Variants in SLC1A5 observed in about 807,000 individuals in gnomAD.
The protein encoded by SLC1A5 is neutral amino acid transporter B(0).
In SLC1A5, 25 loss-of-function variants were observed where a neutral mutation model predicts 34.9. That is an observed-to-expected ratio of 0.72 (90% CI 0.52 to 1.00). SLC1A5 has a LOEUF of 1.00. SLC1A5 is among the 50% of genes least tolerant of loss of function. The probability of loss-of-function intolerance (pLI) is 0.00; values close to 1 mark genes in which losing one functional copy is unlikely to be tolerated. For missense variants in SLC1A5, 637 were observed against 740.0 expected (o/e 0.86, Z 1.61); for synonymous variants, 351 against 341.2 (o/e 1.03, Z -0.32).
chr19:46,787,882 G>T lies in SLC1A5; in HGVS notation c.84C>A (p.Ile28=), dbSNP rs1334841325. 6 of 1,567,174 alleles carry T rather than the reference G, an allele frequency of 3.8e-6. No homozygotes were observed. Among genetic ancestry groups the T allele is most frequent in the South Asian group, 1.2e-5 (1 of 85,834 alleles). Residue 28 remains isoleucine (I), a synonymous_variant, in exon 1 of 8, where the codon ATC becomes ATA. Transcript: ENST00000542575. The surrounding 1 kb of genome is among the most constrained non-coding windows in gnomAD (Gnocchi z 5.2). ...TANGGLALAS[I]EDQGAAAGGY... ...CGCCTGCTGCCGCGCCTTGGTCCTC[G>T]ATGGAGGCCAGCGCCAGGCCCCCGT...
At chr19:46,777,740 C>T (rs2055107461) in intron 5 of SLC1A5, among the ~76,000 whole-genome samples, 1 of 150,688 alleles carries the variant, frequency 6.6e-6, no homozygotes, top group Non-Finnish European at 1.5e-5. Flanking sequence ...ATACCACCTG[C>T]CCAGCCGAAG....
intron 4 of SLC1A5, among the ~76,000 whole-genome samples, chr19:46,779,424 CAAAAAAA>C (rs761721702): frequency 1.5e-5 from 1 of 64,556 alleles, no homozygotes; most frequent in Non-Finnish European, 3.2e-5. Context: ...AACTCCATCT[CAAAAAAA>C]AAAAAAAAAA....
At chr19:46,786,703 G>A (rs377105519) in intron 1 of SLC1A5, among the ~76,000 whole-genome samples, 1 of 152,200 alleles carries the variant, frequency 6.6e-6, no homozygotes, top group Non-Finnish European at 1.5e-5. Flanking sequence ...TTGGGGGCGC[G>A]GGGCAGAGGC....
Position 46,777,097 on chromosome 19 carries a change from T to C in SLC1A5, c.1266A>G (p.Thr422=). The C allele has an allele frequency of 6.2e-7, 1 of 1,613,762 alleles. No homozygotes were observed. The highest frequency in any genetic ancestry group is 8.5e-7 in the Non-Finnish European group (1 of 1,179,952). The change falls in exon 7 of 8, where the codon ACA becomes ACG. Residue 422 remains threonine (T), a synonymous_variant. Transcript: ENST00000542575. ...VKIITILVTA[T]ASSVGAAGIP... The stretch of plus-strand genomic sequence containing the variant: ...TGCCCGCTGCCCCCACGCTGGACGC[T>C]GTGGCCGTGACCCTGAGGGAGAAGG...
chr19:46,778,424 T>C (rs1254172206), intron 5 of SLC1A5, among the ~76,000 whole-genome samples: 1 of 152,088 alleles, frequency 6.6e-6, no homozygotes, highest in African/African-American at 2.4e-5. Flanking sequence ...CGAGACGCCA[T>C]TGTTTAAAAC....
chr19:46,787,161 CT>C lies in SLC1A5; in HGVS notation c.566+238del, dbSNP rs2055192328. 8.1e-7 allele frequency: 1 copy of C among 1,233,048 alleles called. No homozygotes were observed. The allele number at this position is 1,233,048 out of a possible 1,614,324, so 76.4% of individuals were successfully genotyped here. A position where few individuals can be genotyped will look rare whatever the true frequency, so the allele number is the denominator to read the frequency against. ...CTCCTATGTCTCCCCAAATCACTTT[CT>C]TCTCCCTCTATAAGACCCCACTTAT... On this transcript the variant is annotated intron_variant, in intron 1 of 7. Transcript: ENST00000542575. This position sits in a 1 kb window ranked among gnomAD's most constrained non-coding sequence, Gnocchi z 5.2.
chr19:46,781,523 G>A (rs1390550073), intron 4 of SLC1A5, among the ~76,000 whole-genome samples: 2 of 152,136 alleles, frequency 1.3e-5, no homozygotes, highest in South Asian at 2.1e-4. Context: ...TCTTGAACCC[G>A]GGAGGCGGAG....
Position 46,787,593 on chromosome 19 carries a change from C to G in SLC1A5, c.373G>C (p.Gly125Arg), listed in dbSNP as rs1459865710. The G allele has an allele frequency of 3.2e-6, 5 of 1,561,644 alleles. No homozygotes were observed. The highest frequency in any genetic ancestry group is 4.3e-6 in the Non-Finnish European group (5 of 1,155,784). Residue 125 changes from glycine (G) to arginine (R), a missense_variant, in exon 1 of 8, where the codon GGC becomes CGC. By Grantham distance (125) the Gly-to-Arg change is moderately radical. Transcript: ENST00000542575. This position sits in a 1 kb window ranked among gnomAD's most constrained non-coding sequence, Gnocchi z 5.2. ...GAASLDPGAL[G>R]RLGAWALLFF... ...AGCAGCGCCCAGGCGCCCAGACGGC[C>G]GAGCGCGCCGGGGTCCAGGCTGGCG...
In SLC1A5 at chr19:46,787,275, C is replaced by A; in HGVS notation, c.566+125G>T. ...CTGGAGCCTCCCCTCAATATCCTGT[C>A]GAGTTTTCCTAAGACTCTAGAGGGA... On this transcript the variant is annotated intron_variant, in intron 1 of 7. Transcript: ENST00000542575. This position sits in a 1 kb window ranked among gnomAD's most constrained non-coding sequence, Gnocchi z 5.2. The A allele has an allele frequency of 2.7e-6, 4 of 1,463,576 alleles. No individual in the cohort carries two copies. Among genetic ancestry groups the A allele is most frequent in the South Asian group, 1.4e-5 (1 of 70,510 alleles). The allele number at this position is 1,463,576 out of a possible 1,614,324, so 90.7% of individuals were successfully genotyped here.
At chr19:46,781,298 A>C (rs1487125868) in intron 4 of SLC1A5, among the ~76,000 whole-genome samples, 1 of 152,186 alleles carries the variant, frequency 6.6e-6, no homozygotes, top group Non-Finnish European at 1.5e-5. Context: ...GGATGGCTCC[A>C]AGCCAAGAGG....
At chr19:46,783,938 A>G (rs2055167248) in intron 3 of SLC1A5, among the ~76,000 whole-genome samples, 159 bp downstream of exon 3, 1 of 152,096 alleles carries the variant, frequency 6.6e-6, no homozygotes, top group African/African-American at 2.4e-5. Flanking sequence ...AAGAGGGGAC[A>G]AAGTAGAGAC....
At chr19:46,783,201 C>T (rs941543530) in intron 3 of SLC1A5, among the ~76,000 whole-genome samples, 2 of 152,140 alleles carry the variant, frequency 1.3e-5, no homozygotes, top group East Asian at 1.9e-4. Flanking sequence ...CGGTGGCTCA[C>T]GCCTGTAATC....
At position 46,775,078 on chromosome 19, in the gene SLC1A5, C is replaced by T; in HGVS notation, c.*432G>A. On this transcript the variant is annotated 3_prime_UTR_variant, in exon 8 of 8. Coordinates refer to ENST00000542575, the MANE Select transcript of SLC1A5 (RefSeq NM_005628.3). ...ACACACACACACACACACACACACA[C>T]ACACACACACACGTGCACACACACA... 5 of 1,008,826 alleles carry T rather than the reference C, an allele frequency of 5.0e-6. No individual in the cohort carries two copies. Among genetic ancestry groups the T allele is most frequent in the Non-Finnish European group, 5.9e-6 (5 of 844,456 alleles). The allele number at this position is 1,008,826 out of a possible 1,614,324, so 62.5% of individuals were successfully genotyped here.
At chr19:46,785,363 G>C (rs539981322) in intron 1 of SLC1A5, among the ~76,000 whole-genome samples, 3 of 152,114 alleles carry the variant, frequency 2.0e-5, no homozygotes, top group African/African-American at 7.2e-5. Context: ...GCCTGGGACC[G>C]AGTGAGACTC....
At chr19:46,781,760 C>A (rs146221159) in intron 4 of SLC1A5, among the ~76,000 whole-genome samples, 1 of 152,240 alleles carries the variant, frequency 6.6e-6, no homozygotes, top group East Asian at 1.9e-4. Context: ...AGAAGGGAGG[C>A]TAGATACCCA....
chr19:46,776,073 C>T (rs893705570), intron 7 of SLC1A5, among the ~76,000 whole-genome samples: 10 of 151,840 alleles, frequency 6.6e-5, no homozygotes, highest in Non-Finnish European at 1.2e-4. Flanking sequence ...GTGACAGAGC[C>T]AGACTGTGTC....
intron 4 of SLC1A5, among the ~76,000 whole-genome samples, chr19:46,779,604 G>A (rs2055129005): frequency 6.6e-6 from 1 of 151,696 alleles, no homozygotes; most frequent in African/African-American, 2.4e-5. Context: ...TGCAGATGAT[G>A]AAAGATAAAG....
chr19:46,777,440 T>C, intron 5 of SLC1A5, 35 bp from the exon 6 acceptor site: 1 of 1,561,140 alleles, frequency 6.4e-7, no homozygotes. Context: ...TAGGTTAACC[T>C]GCTGACCGGG....
At position 46,777,361 on chromosome 19, in the gene SLC1A5, T is replaced by C; in HGVS notation, c.1103A>G (p.Asn368Ser). 2 of 1,613,456 alleles carry C rather than the reference T, an allele frequency of 1.2e-6. No individual in the cohort carries two copies. The highest frequency in any genetic ancestry group is 1.7e-6 in the Non-Finnish European group (2 of 1,179,882). The change falls in exon 6 of 8, where the codon AAT (asparagine) becomes AGT (serine). Residue 368 changes from asparagine to serine, a missense_variant. Transcript: ENST00000542575. ...PLMMKCVEEN[N>S]GVAKHISRFI... ...ACGGCTGATGTGCTTGGCCACGCCA[T>C]TATTCTCCTCCACGCACTTCATCAT...
Sources: gnomAD v4.1 joint callset for allele counts (sites outside exome capture counted in the v4.1 genomes callset) on GRCh38, gnomAD v4.1.1 for gene constraint, Gnocchi (gnomAD v3.1) non-coding constraint, MANE v1.5 for transcripts, NCBI Gene and HGNC (gene_info 2026-07-23, HGNC 2026-07-21) for gene names.